TUBG2: variants seen among roughly 807,000 people sequenced by gnomAD.
TUBG2 encodes the protein tubulin gamma-2 chain.
A neutral mutation model predicts 55.1 loss-of-function variants in TUBG2; 39 were observed. The ratio of observed to expected loss-of-function variants is 0.71; its 90% CI spans 0.55 to 0.93. TUBG2 has a LOEUF of 0.93. Among genes scored for constraint, TUBG2 ranks in the 40% least tolerant of loss-of-function variants. The pLI, the probability that TUBG2 is intolerant of heterozygous loss-of-function variation, is 0.00. For missense variants in TUBG2, 358 were observed against 599.1 expected (o/e 0.60, Z 4.20); for synonymous variants, 223 against 241.0 (o/e 0.93, Z 0.69).
intron 6 of TUBG2, among the ~76,000 whole-genome samples, chr17:42,664,733 G>A (rs752964716): frequency 1.7e-4 from 26 of 151,834 alleles, no homozygotes; most frequent in Non-Finnish European, 3.5e-4. Context: ...CCCAGAGCCA[G>A]GCACAGTGTA....
intron 10 of TUBG2, 54 bp downstream of exon 10, chr17:42,666,538 A>T: frequency 6.2e-7 from 1 of 1,613,570 alleles, no homozygotes; most frequent in Non-Finnish European, 8.5e-7. Flanking sequence ...GGCCACCTTC[A>T]TCATCTTCCC....
intron 4 of TUBG2, among the ~76,000 whole-genome samples, chr17:42,662,525 G>A (rs979362264): frequency 1.3e-5 from 2 of 151,740 alleles, no homozygotes; most frequent in African/African-American, 2.4e-5. Flanking sequence ...AGAATGGCTC[G>A]AACCTAGGAG....
chr17:42,663,438 G>A lies in TUBG2; in HGVS notation c.541G>A (p.Val181Ile), dbSNP rs768738587. 10 of 1,614,124 alleles carry A rather than the reference G, an allele frequency of 6.2e-6. No individual in the cohort carries two copies. The highest frequency in any genetic ancestry group is 4.4e-5 in the South Asian group (4 of 91,086). ...VFPYQDEMSDVVVQPYNSLLT... is the reference protein window; with the variant it reads ...VFPYQDEMSDIVVQPYNSLLT... ...TCCCTACCAGGACGAGATGAGCGAC[G>A]TAGTGGTTCAGCCCTACAATTCACT... Residue 181 changes from valine (V) to isoleucine (I), a missense_variant, in exon 6 of 11, where the codon GTA becomes ATA. This residue lies in a region of TUBG2 where 4 missense variants were observed against 18.4 expected (regional missense o/e 0.22). Coordinates refer to ENST00000251412, the MANE Select transcript of TUBG2 (RefSeq NM_016437.3).
intron 1 of TUBG2, 32 bp downstream of exon 1, chr17:42,659,584 C>T: frequency 6.5e-7 from 1 of 1,539,506 alleles, no homozygotes; most frequent in Non-Finnish European, 8.8e-7. Context: ...CCGCCGGTCT[C>T]TGGTTCTGCC....
rs1241083882 is a variant in TUBG2 at position 42,666,770 on chromosome 17, C to A, written c.1326C>A (p.Asp442Glu). 1 of 1,614,122 alleles carries A rather than the reference C, an allele frequency of 6.2e-7. No homozygotes were observed. Among genetic ancestry groups the A allele is most frequent in the Admixed American group, 1.7e-5 (1 of 60,020 alleles). ...IDEYHAATQP[D>E]YISWGTQEQ ...AGTACCATGCGGCCACCCAGCCAGACTACATTTCCTGGGGCACCCAGGAGC... is the reference window on the plus strand; with the variant it reads ...AGTACCATGCGGCCACCCAGCCAGAATACATTTCCTGGGGCACCCAGGAGC... Residue 442 changes from aspartate (D) to glutamate (E), a missense_variant, in exon 11 of 11, where the codon GAC (aspartate) becomes GAA (glutamate). This residue lies in a region of TUBG2 where 54 missense variants were observed against 50.2 expected (regional missense o/e 1.08). Transcript: ENST00000251412.
chr17:42,660,058 G>A (rs1327953378), intron 2 of TUBG2, 91 bp from the exon 3 acceptor site: 3 of 1,326,648 alleles, frequency 2.3e-6, no homozygotes, highest in Non-Finnish European at 3.1e-6. Flanking sequence ...GCTGGCTTGA[G>A]GAGGGAGGGC....
rs377026404 is a variant in TUBG2, at chr17:42,663,038, G to A, written c.465G>A (p.Glu155=). The part of the protein sequence containing the change: ...TGSGLGSYLL[E]RLNDRYPKKL... ...CTGGCCTGGGCTCCTACCTCCTGGA[G>A]CGACTGAATGACAGGCAAGCCTGTG... Residue 155 remains glutamate, a synonymous_variant, in exon 5 of 11, where the codon GAG becomes GAA. Coordinates refer to ENST00000251412, the MANE Select transcript of TUBG2 (RefSeq NM_016437.3). 1.2e-6 allele frequency: 2 copies of A among 1,614,126 alleles called. No homozygotes were observed. The highest frequency in any genetic ancestry group is 1.1e-5 in the South Asian group (1 of 91,092).
At chr17:42,665,905 C>T (rs901434608) in intron 8 of TUBG2, 78 bp downstream of exon 8, 24 of 1,601,768 alleles carry the variant, frequency 1.5e-5, no homozygotes, top group Non-Finnish European at 2.0e-5. Context: ...CTCTCTTCCC[C>T]ACTGCCCCAG....
Position 42,666,917 on chromosome 17 carries a change from T to C in TUBG2, c.*117T>C. The C allele has an allele frequency of 9.3e-7, 1 of 1,077,964 alleles. No individual in the cohort carries two copies. The highest frequency in any genetic ancestry group is 1.4e-6 in the Non-Finnish European group (1 of 738,070). The allele number at this position is 1,077,964 out of a possible 1,614,324, so 66.8% of individuals were successfully genotyped here. On this transcript the variant is annotated 3_prime_UTR_variant, in exon 11 of 11. Transcript: ENST00000251412. ...CCCTTCTTGGTTCATCTCCAGCCCG[T>C]GAGCTGGTCCTGCTTCCTCCCTTCC...
intron 4 of TUBG2, chr17:42,661,463 C>T (rs1234540863): frequency 6.6e-6 from 1 of 152,160 alleles, no homozygotes; most frequent in Non-Finnish European, 1.5e-5. Context: ...ATTTACAGGC[C>T]CACCCCTCAC....
chr17:42,665,906 A>C (rs2052524993), intron 8 of TUBG2, 79 bp downstream of exon 8: 1 of 1,600,514 alleles, frequency 6.2e-7, no homozygotes, highest in Non-Finnish European at 8.5e-7. Context: ...TCTCTTCCCC[A>C]CTGCCCCAGG....
In TUBG2 at chr17:42,666,427, G is replaced by A. The variant is rs764033693; in HGVS notation, c.1101G>A (p.Leu367=). The A allele has an allele frequency of 6.8e-6, 11 of 1,614,022 alleles. No homozygotes were observed. In the South Asian group the frequency reaches 1.2e-4, roughly 18 times the overall value. Residue 367 remains leucine, a synonymous_variant, in exon 10 of 11, where the codon CTG becomes CTA. Transcript: ENST00000251412. ...CCCTGTCGAGGAAGTCTCCCTACCT[G>A]CCCTCGGCCCACCGGGTCAGCGGGC... ...QVALSRKSPY[L]PSAHRVSGLM...
rs368769260 is a variant in TUBG2 at position 42,665,767 on chromosome 17, T to C, written c.783T>C (p.Ile261=). The part of the protein sequence containing the change: ...NDLIGLIASL[I]PTPRLHFLMT... ...TCATCGGCCTCATCGCCTCGCTCAT[T>C]CCCACCCCACGGCTCCACTTCCTCA... Residue 261 remains isoleucine, a synonymous_variant, in exon 8 of 11, where the codon ATT becomes ATC. Coordinates refer to ENST00000251412, the MANE Select transcript of TUBG2 (RefSeq NM_016437.3). 4.4e-5 allele frequency: 71 copies of C among 1,613,938 alleles called. No individual in the cohort carries two copies. The highest frequency in any genetic ancestry group is 5.6e-5 in the Non-Finnish European group (66 of 1,180,014).
chr17:42,660,756 C>A, intron 4 of TUBG2, 49 bp downstream of exon 4: 1 of 1,568,990 alleles, frequency 6.4e-7, no homozygotes, highest in Non-Finnish European at 8.7e-7. Flanking sequence ...CCGAAGAGTG[C>A]TGGGGACAGG....
chr17:42,660,344 T>C (rs2052354456), intron 3 of TUBG2, 28 bp downstream of exon 3: 2 of 1,613,644 alleles, frequency 1.2e-6, no homozygotes, highest in African/African-American at 1.3e-5. Flanking sequence ...CCAGAGACCT[T>C]TGATATTCCC....
intron 3 of TUBG2, 40 bp downstream of exon 3, chr17:42,660,356 T>C: frequency 1.2e-6 from 2 of 1,612,754 alleles, no homozygotes; most frequent in Non-Finnish European, 1.7e-6. Flanking sequence ...GATATTCCCA[T>C]CCAGAGGCAA....
At chr17:42,661,064 T>C (rs1285784612) in intron 4 of TUBG2, 2 of 247,256 alleles carry the variant, frequency 8.1e-6, no homozygotes, top group East Asian at 1.7e-4. Context: ...AGACTGCCTC[T>C]CCATCTCTCC....
Position 42,659,411 on chromosome 17 carries a change from C to T in TUBG2, c.-93C>T, listed in dbSNP as rs2052327923. On this transcript the variant is annotated 5_prime_UTR_variant, in exon 1 of 11. Coordinates refer to ENST00000251412, the MANE Select transcript of TUBG2 (RefSeq NM_016437.3). ...CGCGTCAAGAGGCGAAGAGAGCGCG[C>T]GCTCCCCACGTCCTGCGCTCCTGGC... is the stretch of plus-strand genomic sequence containing the variant. 1 of 1,331,950 alleles carries T rather than the reference C, an allele frequency of 7.5e-7. No homozygotes were observed. The highest frequency in any genetic ancestry group is 1.0e-6 in the Non-Finnish European group (1 of 983,436). The allele number at this position is 1,331,950 out of a possible 1,614,324, so 82.5% of individuals were successfully genotyped here.
At chr17:42,665,863 C>A in intron 8 of TUBG2, 36 bp downstream of exon 8, 1 of 1,613,374 alleles carries the variant, frequency 6.2e-7, no homozygotes, top group Non-Finnish European at 8.5e-7. Flanking sequence ...GCCAGGCTGG[C>A]CCTGGGCCCA....
Sources: gnomAD v4.1 joint callset for allele counts (sites outside exome capture counted in the v4.1 genomes callset) on GRCh38, gnomAD v4.1.1 for gene constraint, gnomAD v4.1.1 regional missense constraint, MANE v1.5 for transcripts, NCBI Gene and HGNC (gene_info 2026-07-23, HGNC 2026-07-21) for gene names.